The following LRRTM3 variants were observed in gnomAD, a reference collection of about 807,000 sequenced individuals.
LRRTM3 encodes the protein leucine-rich repeat transmembrane neuronal protein 3.
A neutral mutation model predicts 44.7 loss-of-function variants in LRRTM3; 24 were observed. The ratio of observed to expected loss-of-function variants is 0.54; its 90% CI spans 0.39 to 0.76. The LOEUF (loss-of-function observed/expected upper bound fraction) is 0.76, where lower values mean the gene tolerates loss of function less well. Among genes scored for constraint, LRRTM3 ranks in the 30% least tolerant of loss-of-function variants. The pLI is 0.00. For missense variants in LRRTM3, 587 were observed against 702.2 expected (o/e 0.84, Z 1.85); for synonymous variants, 277 against 278.7 (o/e 0.99, Z 0.06).
chr10:67,082,708 T>C (rs1857112521), intron 2 of LRRTM3, among the ~76,000 whole-genome samples: 1 of 152,154 alleles, frequency 6.6e-6, no homozygotes, highest in African/African-American at 2.4e-5. Flanking sequence ...TACATCCTTT[T>C]TTCTAAAGAT....
Position 67,042,940 on chromosome 10 carries a change from G to A in LRRTM3, c.1537-54647G>A, listed in dbSNP as rs190685688. Among the ~76,000 whole-genome samples the A allele has an allele frequency of 1.3e-3, 191 of 152,144 alleles. 1 individual carries two copies. Among genetic ancestry groups the A allele is most frequent in the African/African-American group, 4.4e-3 (182 of 41,522 alleles). ...GAATATATTCGAACGCTATAAAAGAGGAGCCAAATAAGTGAAAACTGAGCA... is the reference window on the plus strand; with the variant it reads ...GAATATATTCGAACGCTATAAAAGAAGAGCCAAATAAGTGAAAACTGAGCA... On this transcript the variant is annotated intron_variant, in intron 2 of 2. Transcript: ENST00000361320.
At chr10:67,087,515 T>A (rs949522017) in intron 2 of LRRTM3, among the ~76,000 whole-genome samples, 1 of 151,766 alleles carries the variant, frequency 6.6e-6, no homozygotes, top group African/African-American at 2.4e-5. Flanking sequence ...CCTTCTCTAA[T>A]ATAAATATAT....
At chr10:66,977,313 G>C (rs1314213148) in intron 2 of LRRTM3, among the ~76,000 whole-genome samples, 3 of 152,040 alleles carry the variant, frequency 2.0e-5, no homozygotes, top group African/African-American at 4.8e-5. Flanking sequence ...GCTGGTACCT[G>C]TAGTCCCAGC....
intron 2 of LRRTM3, among the ~76,000 whole-genome samples, chr10:66,954,018 T>A (rs1380167016): frequency 6.6e-6 from 1 of 152,214 alleles, no homozygotes; most frequent in Non-Finnish European, 1.5e-5. Flanking sequence ...GCATAGTAAG[T>A]GCTCGCAAAT....
intron 2 of LRRTM3, among the ~76,000 whole-genome samples, chr10:66,978,552 A>AAAAAAATATATATATAT: frequency 1.3e-3 from 50 of 37,868 alleles, no homozygotes; most frequent in Non-Finnish European, 2.2e-3. Flanking sequence ...AAAAAAAAAA[A>AAAAAAATATATATATAT]ATATATATAT....
chr10:66,970,368 C>T (rs1312437815), intron 2 of LRRTM3, among the ~76,000 whole-genome samples: 3 of 152,070 alleles, frequency 2.0e-5, no homozygotes, highest in South Asian at 2.1e-4. Flanking sequence ...CATACACAGT[C>T]AGCTTCTTCT....
chr10:67,004,493 T>C (rs1006623600), intron 2 of LRRTM3, among the ~76,000 whole-genome samples: 2 of 109,302 alleles, frequency 1.8e-5, no homozygotes, highest in Non-Finnish European at 4.3e-5. Context: ...CCATAATGCT[T>C]CTTCCCTCAA....
At position 66,926,475 on chromosome 10, in the gene LRRTM3, G is replaced by A. The variant is rs1277276577; in HGVS notation, c.-109G>A. 28 of 1,273,664 alleles carry A rather than the reference G, an allele frequency of 2.2e-5. No individual in the cohort carries two copies. The highest frequency in any genetic ancestry group is 3.1e-5 in the Non-Finnish European group (28 of 894,610). 78.9% of individuals were successfully genotyped at this position (1,273,664 alleles called of 1,614,324 possible). A position where few individuals can be genotyped will look rare whatever the true frequency, so the allele number is the denominator to read the frequency against. On this transcript the variant is annotated 5_prime_UTR_variant, in exon 1 of 3. Transcript: ENST00000361320. ...CCAAGGGGTCCAATTTTTCTTCCTG[G>A]GTGTCAGCGAGCCCTGACTCACTAC...
chr10:67,036,814 T>C (rs1372754372), intron 2 of LRRTM3, among the ~76,000 whole-genome samples: 2 of 152,046 alleles, frequency 1.3e-5, no homozygotes, highest in African/African-American at 4.8e-5. Context: ...ACACATATAA[T>C]TCTAACTCTG....
At chr10:67,035,277 T>C (rs1421833686) in intron 2 of LRRTM3, among the ~76,000 whole-genome samples, 1 of 152,202 alleles carries the variant, frequency 6.6e-6, no homozygotes, top group Admixed American at 6.5e-5. Context: ...ATGCTGCAAG[T>C]CACTAGATTT....
chr10:66,989,411 T>C (rs1262745573), intron 2 of LRRTM3, among the ~76,000 whole-genome samples: 2 of 152,216 alleles, frequency 1.3e-5, no homozygotes, highest in Non-Finnish European at 2.9e-5. Flanking sequence ...ATTATATTTG[T>C]AGGTATAACA....
chr10:67,065,190 G>A (rs1452144093), intron 2 of LRRTM3, among the ~76,000 whole-genome samples: 2 of 152,066 alleles, frequency 1.3e-5, no homozygotes, highest in Non-Finnish European at 2.9e-5. Context: ...GAAAAAAAGG[G>A]TATTTGACAC....
At chr10:66,955,909 C>A (rs1196331845) in intron 2 of LRRTM3, among the ~76,000 whole-genome samples, 1 of 152,134 alleles carries the variant, frequency 6.6e-6, no homozygotes, top group Non-Finnish European at 1.5e-5. Flanking sequence ...AGTGACGCTA[C>A]AACATGGCAT....
chr10:66,950,748 C>A (rs940966216), intron 2 of LRRTM3, among the ~76,000 whole-genome samples: 1 of 152,064 alleles, frequency 6.6e-6, no homozygotes, highest in African/African-American at 2.4e-5. Flanking sequence ...TATTCAGCTG[C>A]AACTATTTAA....
rs566297098 is a variant in LRRTM3 at position 67,072,592 on chromosome 10, C to T, written c.1537-24995C>T. Among the ~76,000 whole-genome samples, 7 of 152,248 alleles carry T rather than the reference C, an allele frequency of 4.6e-5. No individual in the cohort carries two copies. The South Asian group carries it at 1.2e-3, about 27-fold the overall frequency. On this transcript the variant is annotated intron_variant, in intron 2 of 2. Coordinates refer to ENST00000361320, the MANE Select transcript of LRRTM3 (RefSeq NM_178011.5). ...AACCAAGGACTCAGCTGGGTTGGGG[C>T]TAGATTGCAGTTTTAGTGGAATGTA...
intron 2 of LRRTM3, among the ~76,000 whole-genome samples, chr10:66,976,615 C>A (rs929808984): frequency 2.6e-5 from 4 of 152,168 alleles, no homozygotes; most frequent in Admixed American, 2.6e-4. Flanking sequence ...CCAAGTTTGG[C>A]ATTTTTGGCC....
chr10:67,087,505 C>T (rs1312662720), intron 2 of LRRTM3, among the ~76,000 whole-genome samples: 1 of 151,358 alleles, frequency 6.6e-6, no homozygotes, highest in East Asian at 1.9e-4. Flanking sequence ...ACAATTCATA[C>T]CTTCTCTAAT....
chr10:67,067,246 T>G (rs959101819), intron 2 of LRRTM3, among the ~76,000 whole-genome samples: 8 of 152,208 alleles, frequency 5.3e-5, no homozygotes, highest in Non-Finnish European at 1.0e-4. Context: ...TATTTATATA[T>G]TTGTCTGTTC....
At position 67,100,535 on chromosome 10, in the gene LRRTM3, CAG is replaced by C. The variant is rs1223378855; in HGVS notation, c.*2740_*2741del. ...ACTTGCATTTCTAACCTATCTTTTC[CAG>C]CATTTGATAATCTCCCATTTCCTCC... On this transcript the variant is annotated 3_prime_UTR_variant, in exon 3 of 3. Coordinates refer to ENST00000361320, the MANE Select transcript of LRRTM3 (RefSeq NM_178011.5). Among the ~76,000 whole-genome samples the C allele has an allele frequency of 1.3e-5, 2 of 151,490 alleles. No homozygotes were observed. The highest frequency in any genetic ancestry group is 3.9e-4 in the East Asian group (2 of 5,148).
Sources: gnomAD v4.1 joint callset for allele counts (sites outside exome capture counted in the v4.1 genomes callset) on GRCh38, gnomAD v4.1.1 for gene constraint, MANE v1.5 for transcripts, NCBI Gene and HGNC (gene_info 2026-07-23, HGNC 2026-07-21) for gene names.